Variants in EPHA3 observed in about 807,000 individuals in gnomAD.
EPHA3 encodes the protein EPH receptor A3, also known as ephrin type-A receptor 3.
A neutral mutation model predicts 107.1 loss-of-function variants in EPHA3; 42 were observed. The observed-to-expected ratio is 0.39, with a 90% confidence interval of 0.31 to 0.51. The LOEUF (loss-of-function observed/expected upper bound fraction) is 0.51, where lower values mean the gene tolerates loss of function less well. Ranked by LOEUF, EPHA3 falls within the 20% of genes least tolerant of loss-of-function variation. EPHA3 has a pLI of 0.78. For missense variants in EPHA3, 1,183 were observed against 1,211.2 expected, an observed-to-expected ratio of 0.98 and a Z score of 0.35; for synonymous variants, 461 against 424.8, an observed-to-expected ratio of 1.09 and a Z score of -1.05.
rs989157447 is a variant in EPHA3 at position 89,435,680 on chromosome 3, C to T, written c.2346+4321C>T. On this transcript the variant is annotated intron_variant, in intron 13 of 16. Coordinates refer to ENST00000336596, the MANE Select transcript of EPHA3 (RefSeq NM_005233.6). ...GTATTAAAATAATATAGGACAGGTG[C>T]GGTGGCTCATGCCTGTAATCCCAGC... Among the ~76,000 whole-genome samples, 21 of 147,718 alleles carry T rather than the reference C, an allele frequency of 1.4e-4. No individual in the cohort carries two copies. In the East Asian group the frequency reaches 2.2e-3, roughly 15 times the overall value.
At chr3:89,399,196 A>T in intron 6 of EPHA3, 122 bp from the exon 7 acceptor site, 1 of 941,328 alleles carries the variant, frequency 1.1e-6, no homozygotes, top group Non-Finnish European at 1.5e-6. Flanking sequence ...ATGACTTTTT[A>T]AATCCATCCT....
chr3:89,440,830 A>G (rs750207227), intron 13 of EPHA3, among the ~76,000 whole-genome samples: 26 of 152,130 alleles, frequency 1.7e-4, no homozygotes, highest in Admixed American at 6.5e-5. Context: ...TTTCTGTAAA[A>G]CTCTATAGAC....
intron 3 of EPHA3, among the ~76,000 whole-genome samples, chr3:89,241,986 T>C (rs1201021622): frequency 6.6e-6 from 1 of 152,198 alleles, no homozygotes; most frequent in East Asian, 1.9e-4. Flanking sequence ...ATTATACTTC[T>C]CTGCATCAGA....
intron 13 of EPHA3, among the ~76,000 whole-genome samples, chr3:89,438,268 C>A (rs770861356): frequency 3.3e-5 from 5 of 151,724 alleles, no homozygotes; most frequent in Non-Finnish European, 7.4e-5. Context: ...ATCACTACAC[C>A]CGGCTAATTT....
At chr3:89,230,985 T>C (rs1200997798) in intron 3 of EPHA3, among the ~76,000 whole-genome samples, 1 of 152,118 alleles carries the variant, frequency 6.6e-6, no homozygotes, top group East Asian at 1.9e-4. Context: ...GTAATATTTT[T>C]TAATAATATT....
At chr3:89,394,534 G>A (rs1400738804) in intron 5 of EPHA3, among the ~76,000 whole-genome samples, 1 of 152,188 alleles carries the variant, frequency 6.6e-6, no homozygotes, top group Non-Finnish European at 1.5e-5. Context: ...ATTTTTTGGT[G>A]TACAGTTTTC....
chr3:89,186,022 C>G (rs1242316987), intron 2 of EPHA3, among the ~76,000 whole-genome samples: 3 of 149,628 alleles, frequency 2.0e-5, no homozygotes, highest in African/African-American at 7.4e-5. Context: ...TTCTTTCTCT[C>G]TCTCTCCTCT....
intron 5 of EPHA3, among the ~76,000 whole-genome samples, chr3:89,370,915 G>A (rs113327233): frequency 6.6e-6 from 1 of 151,538 alleles, no homozygotes; most frequent in East Asian, 1.9e-4. Flanking sequence ...CCTCAAACTG[G>A]TACTGCAGTT....
At chr3:89,288,011 A>G (rs1026972236) in intron 3 of EPHA3, among the ~76,000 whole-genome samples, 1 of 152,102 alleles carries the variant, frequency 6.6e-6, no homozygotes, top group Non-Finnish European at 1.5e-5. Flanking sequence ...TGACAGGAAA[A>G]CATACCAGAA....
In EPHA3 at chr3:89,450,366, G is replaced by C. The variant is rs773476878; in HGVS notation, c.2686G>C (p.Ala896Pro). 6.2e-7 allele frequency: 1 copy of C among 1,609,194 alleles called. No individual in the cohort carries two copies. The highest frequency in any genetic ancestry group is 1.1e-5 in the South Asian group (1 of 90,358). The change falls in exon 15 of 17, where the codon GCA (alanine) becomes CCA (proline). Residue 896 changes from alanine to proline, a missense_variant. Transcript: ENST00000336596. Reference protein sequence around the residue: ...GSLKIITSAAARPSNLLLDQS... With the variant: ...GSLKIITSAAPRPSNLLLDQS... ...CCTGAAGATCATCACCAGTGCAGCC[G>C]CAAGGTGACACATTCAATTTGTTAT...
intron 3 of EPHA3, among the ~76,000 whole-genome samples, chr3:89,286,324 T>C (rs962740942): frequency 6.6e-6 from 1 of 151,868 alleles, no homozygotes; most frequent in Non-Finnish European, 1.5e-5. Flanking sequence ...ATGGTGAGAC[T>C]TCTGATAATG....
intron 15 of EPHA3, among the ~76,000 whole-genome samples, chr3:89,471,663 C>T (rs932920169): frequency 1.3e-5 from 2 of 152,004 alleles, no homozygotes; most frequent in African/African-American, 4.8e-5. Context: ...TGCGCCCGGC[C>T]CTTTTTCTTA....
At chr3:89,250,606 G>A (rs1422389988) in intron 3 of EPHA3, among the ~76,000 whole-genome samples, 1 of 152,064 alleles carries the variant, frequency 6.6e-6, no homozygotes, top group Non-Finnish European at 1.5e-5. Flanking sequence ...CTGCTACCCT[G>A]TGCTGACCTA....
intron 7 of EPHA3, among the ~76,000 whole-genome samples, chr3:89,401,059 C>T (rs79285188): frequency 0.011 from 1,723 of 152,230 alleles, 39 homozygotes; most frequent in African/African-American, 0.039. Flanking sequence ...CTCATTGTTA[C>T]TGGTATATTT....
chr3:89,211,722 CTTT>C (rs1559602809), intron 3 of EPHA3, among the ~76,000 whole-genome samples: 10 of 139,524 alleles, frequency 7.2e-5, no homozygotes, highest in South Asian at 2.4e-4. Context: ...TCCTCTTCTT[CTTT>C]TTCTTCTTCT....
chr3:89,215,202 G>A lies in EPHA3; in HGVS notation c.814+4682G>A, dbSNP rs1704195743. ...ATGGCCCAAATACTATAAAGGCAGTGGAGAAGCAGTATAAGTTGTTTGAAG... is the reference window on the plus strand; with the variant it reads ...ATGGCCCAAATACTATAAAGGCAGTAGAGAAGCAGTATAAGTTGTTTGAAG... On this transcript the variant is annotated intron_variant, in intron 3 of 16. Coordinates refer to ENST00000336596, the MANE Select transcript of EPHA3 (RefSeq NM_005233.6). Among the ~76,000 whole-genome samples the A allele has an allele frequency of 3.3e-5, 5 of 151,990 alleles. No individual in the cohort carries two copies. In the South Asian group the frequency reaches 1.0e-3, roughly 32 times the overall value.
chr3:89,146,535 G>A (rs1206402020), intron 2 of EPHA3, among the ~76,000 whole-genome samples: 6 of 151,990 alleles, frequency 3.9e-5, no homozygotes, highest in Middle Eastern at 3.4e-3. Context: ...GTAGATTCTG[G>A]ATATTAGACC....
intron 3 of EPHA3, among the ~76,000 whole-genome samples, chr3:89,315,389 C>T (rs1205696730): frequency 6.6e-6 from 1 of 151,788 alleles, no homozygotes; most frequent in Non-Finnish European, 1.5e-5. Flanking sequence ...GTAAGTGCTA[C>T]AGTTCAGAGC....
At chr3:89,413,350 A>G in intron 10 of EPHA3, 84 bp downstream of exon 10, 1 of 1,517,288 alleles carries the variant, frequency 6.6e-7, no homozygotes, top group Non-Finnish European at 9.1e-7. Flanking sequence ...ATATTGCTAA[A>G]GAAATGGGAA....
Sources: gnomAD v4.1 joint callset for allele counts (sites outside exome capture counted in the v4.1 genomes callset) on GRCh38, gnomAD v4.1.1 for gene constraint, MANE v1.5 for transcripts, NCBI Gene and HGNC (gene_info 2026-07-23, HGNC 2026-07-21) for gene names.